The following ADAMTSL3 variants were observed in gnomAD, a reference collection of about 807,000 sequenced individuals.
ADAMTSL3 encodes ADAMTS-like protein 3.
Under a neutral mutation model 201.7 loss-of-function variants are expected in ADAMTSL3, and 128 were observed. The observed-to-expected ratio is 0.63, with a 90% CI of 0.55 to 0.73. The LOEUF is 0.73. Ranked by LOEUF, ADAMTSL3 falls within the 30% of genes least tolerant of loss-of-function variation. The pLI is 0.00. For missense variants in ADAMTSL3, 1,990 were observed against 2,119.6 expected (o/e 0.94, Z 1.20); for synonymous variants, 738 against 748.4 (o/e 0.99, Z 0.23).
chr15:83,857,668 T>G (rs182754739), intron 7 of ADAMTSL3, among the ~76,000 whole-genome samples: 1 of 152,290 alleles, frequency 6.6e-6, no homozygotes, highest in Non-Finnish European at 1.5e-5. Context: ...AGAAAAAGAT[T>G]TATTTTGTAT....
chr15:83,692,282 C>T, intron 2 of ADAMTSL3, among the ~76,000 whole-genome samples: 1 of 135,064 alleles, frequency 7.4e-6, no homozygotes. Flanking sequence ...CTGCTAACCC[C>T]CAAGGATTTT....
intron 17 of ADAMTSL3, among the ~76,000 whole-genome samples, chr15:83,936,084 G>A (rs2066455043): frequency 6.6e-6 from 1 of 151,960 alleles, no homozygotes; most frequent in Non-Finnish European, 1.5e-5. Flanking sequence ...GAAGTATATT[G>A]TAAAGATATT....
intron 8 of ADAMTSL3, among the ~76,000 whole-genome samples, chr15:83,866,236 T>G (rs2064972372): frequency 6.6e-6 from 1 of 152,220 alleles, no homozygotes; most frequent in African/African-American, 2.4e-5. Flanking sequence ...AAATACCATT[T>G]AACCCAGCAA....
At chr15:83,941,288 A>T (rs1158334231) in intron 17 of ADAMTSL3, among the ~76,000 whole-genome samples, 2 of 151,960 alleles carry the variant, frequency 1.3e-5, no homozygotes, top group Non-Finnish European at 2.9e-5. Context: ...TGTTTATAAT[A>T]GAAAATTAGA....
chr15:83,895,640 C>A (rs1567220750), intron 13 of ADAMTSL3, among the ~76,000 whole-genome samples: 1 of 152,170 alleles, frequency 6.6e-6, no homozygotes, highest in Admixed American at 6.5e-5. Flanking sequence ...AAGTGTCCGG[C>A]TTCCCAGAAC....
chr15:83,904,999 C>T (rs560172750), intron 15 of ADAMTSL3, among the ~76,000 whole-genome samples: 54 of 152,254 alleles, frequency 3.5e-4, no homozygotes, highest in South Asian at 2.1e-3. Flanking sequence ...GAGTGTTCTA[C>T]GTGGATTAAG....
rs1251688633 is a variant in ADAMTSL3 at position 83,654,339 on chromosome 15, G to A, written c.-34+63G>A. On this transcript the variant is annotated intron_variant, in intron 1 of 29. Transcript: ENST00000286744. The surrounding 1 kb of genome is among the most constrained non-coding windows in gnomAD (Gnocchi z 5.3). ...GGGTCGGGGGAAGGCGCTCCCCAGA[G>A]GGAGTAAGACTTGGAGCAGTGGCCT... 1 of 150,908 alleles carries A rather than the reference G, an allele frequency of 6.6e-6. No individual in the cohort carries two copies. Among genetic ancestry groups the A allele is most frequent in the Non-Finnish European group, 1.5e-5 (1 of 67,958 alleles). 9.3% of individuals were successfully genotyped at this position (150,908 alleles called of 1,614,324 possible).
chr15:83,733,831 T>G (rs2141613158), intron 3 of ADAMTSL3, among the ~76,000 whole-genome samples: 1 of 152,302 alleles, frequency 6.6e-6, no homozygotes, highest in Non-Finnish European at 1.5e-5. Flanking sequence ...TGACATCTAC[T>G]TTGAATGACT....
chr15:83,675,586 CTTTTTTT>C (rs77339448), intron 2 of ADAMTSL3, among the ~76,000 whole-genome samples: 1 of 126,058 alleles, frequency 7.9e-6, no homozygotes, highest in Non-Finnish European at 1.7e-5. Flanking sequence ...GTGCTGTTTT[CTTTTTTT>C]TTTTTTTTGT....
Position 84,021,490 on chromosome 15 carries a change from T to C in ADAMTSL3, c.4354T>C (p.Cys1452Arg). The C allele has an allele frequency of 6.2e-7, 1 of 1,614,108 alleles. No homozygotes were observed. The highest frequency in any genetic ancestry group is 1.7e-5 in the Admixed American group (1 of 60,018). ...GGGAGCCCGCATTCAGAGACCCCAG[T>C]GTGTGATGGCCAATGGGCAGGAAGT... is the stretch of plus-strand genomic sequence containing the variant. ...HLGARIQRPQ[C>R]VMANGQEVSE... The change falls in exon 26 of 30, where the codon TGT (cysteine) becomes CGT (arginine). Residue 1452 changes from cysteine (C) to arginine (R), a missense_variant. Physicochemically the swap from Cys to Arg is radical, Grantham distance 180 (BLOSUM62 -3). Transcript: ENST00000286744.
In ADAMTSL3 at chr15:83,982,368, A is replaced by G; in HGVS notation, c.2740A>G (p.Ile914Val). The G allele has an allele frequency of 6.2e-7, 1 of 1,614,132 alleles. No homozygotes were observed. Among genetic ancestry groups the G allele is most frequent in the South Asian group, 1.1e-5 (1 of 91,078 alleles). The change falls in exon 21 of 30, where the codon ATT (isoleucine) becomes GTT (valine). Residue 914 changes from isoleucine (I) to valine (V), a missense_variant. By Grantham distance (29) the Ile-to-Val change is conservative (BLOSUM62 3). Transcript: ENST00000286744. ...CATTCAGACAAGGGAAGAGAAGCGT[A>G]TTAACCTGACCATTGGTAGCAGAGC... ...VYIQTREEKR[I>V]NLTIGSRAYL... is the part of the protein sequence containing the mutation.
intron 6 of ADAMTSL3, among the ~76,000 whole-genome samples, chr15:83,836,819 C>T (rs1016364159): frequency 1.3e-5 from 2 of 152,104 alleles, no homozygotes; most frequent in African/African-American, 4.8e-5. Context: ...CAACATCCTG[C>T]AGCTTGAAAG....
chr15:83,672,898 G>A (rs1308689256), intron 2 of ADAMTSL3, among the ~76,000 whole-genome samples: 14 of 152,180 alleles, frequency 9.2e-5, no homozygotes. Flanking sequence ...GAGGTAGACC[G>A]GTGGCTTTGA....
intron 20 of ADAMTSL3, among the ~76,000 whole-genome samples, chr15:83,981,828 G>T (rs1392076482): frequency 6.6e-6 from 1 of 152,200 alleles, no homozygotes; most frequent in East Asian, 1.9e-4. Flanking sequence ...AAGCCAGAGG[G>T]CCTCTCTGCC....
At chr15:83,898,134 C>A in intron 14 of ADAMTSL3, 129 bp downstream of exon 14, 2 of 1,018,954 alleles carry the variant, frequency 2.0e-6, no homozygotes, top group Non-Finnish European at 1.4e-6. Flanking sequence ...TTGCAATAGA[C>A]CTTCCCATCT....
chr15:83,822,574 C>CTGCAATCTCGGCACTTTGG (rs2063906146), intron 6 of ADAMTSL3, among the ~76,000 whole-genome samples: 1 of 145,096 alleles, frequency 6.9e-6, no homozygotes. Context: ...GGGGCAGAGG[C>CTGCAATCTCGGCACTTTGG]GCTCCCCACA....
chr15:83,961,329 A>G (rs1312977180), intron 19 of ADAMTSL3, among the ~76,000 whole-genome samples: 4 of 152,180 alleles, frequency 2.6e-5, no homozygotes, highest in African/African-American at 4.8e-5. Flanking sequence ...TGGAAGACGG[A>G]CAAAGGAGAT....
chr15:84,001,048 C>G (rs567784916), intron 23 of ADAMTSL3, among the ~76,000 whole-genome samples: 31 of 152,282 alleles, frequency 2.0e-4, no homozygotes, highest in Admixed American at 1.0e-3. Context: ...CTGCAGAAAG[C>G]TGTAAATTGA....
In ADAMTSL3 at chr15:83,656,660, T is replaced by C. The variant is rs561871798; in HGVS notation, c.69+830T>C. On this transcript the variant is annotated intron_variant, in intron 2 of 29. Transcript: ENST00000286744. ...CTAAAGGCAGGGCACATCTTAGTAT[T>C]GTGTCCCAAGGGCTGCTGCTAGCTC... 3.3e-5 allele frequency among the ~76,000 whole-genome samples: 5 copies of C among 152,328 alleles called. No homozygotes were observed. The East Asian group carries it at 9.6e-4, about 29-fold the overall frequency.
Sources: gnomAD v4.1 joint callset for allele counts (sites outside exome capture counted in the v4.1 genomes callset) on GRCh38, gnomAD v4.1.1 for gene constraint, Gnocchi (gnomAD v3.1) non-coding constraint, MANE v1.5 for transcripts, NCBI Gene and HGNC (gene_info 2026-07-23, HGNC 2026-07-21) for gene names.